CSMD1: variants seen among roughly 807,000 people sequenced by gnomAD.
The protein encoded by CSMD1 is CUB and sushi domain-containing protein 1.
In CSMD1, 213 loss-of-function variants were observed where a neutral mutation model predicts 417.5. The ratio of observed to expected loss-of-function variants is 0.51; its 90% CI spans 0.46 to 0.57. The LOEUF (loss-of-function observed/expected upper bound fraction) is 0.57, where lower values mean the gene tolerates loss of function less well. Ranked by LOEUF, CSMD1 falls within the 20% of genes least tolerant of loss-of-function variation. The pLI, the probability that CSMD1 is intolerant of heterozygous loss-of-function variation, is 0.00. For synonymous variants in CSMD1, 2,862 were observed against 1,736.8 expected (o/e 1.65, Z -16.11); for missense variants, 6,923 against 4,529.7 (o/e 1.53, Z -15.17).
rs71203456 is a variant in CSMD1 at position 3,644,966 on chromosome 8, G to GAAAAAAA, written c.1010-28176_1010-28170dup. ...GTTACGGATCACTAAGGCTTTAAATGAAAAAAAAAAAAAAAAAAAAAAAAA... is the reference window on the plus strand; with the variant it reads ...GTTACGGATCACTAAGGCTTTAAATGAAAAAAAAAAAAAAAAAAAAAAAAAAAAAAAA... On this transcript the variant is annotated intron_variant, in intron 7 of 69. Transcript: ENST00000635120. 1.7e-3 allele frequency among the ~76,000 whole-genome samples: 107 copies of GAAAAAAA among 64,508 alleles called. 4 individuals carry two copies. The highest frequency in any genetic ancestry group is 0.011 in the Middle Eastern group (1 of 92). The allele number at this position is 64,508 out of a possible 152,430, so 42.3% of individuals were successfully genotyped here. A position where few individuals can be genotyped will look rare whatever the true frequency, so the allele number is the denominator to read the frequency against.
At chr8:2,996,076 T>C (rs974097848) in intron 54 of CSMD1, among the ~76,000 whole-genome samples, 29 of 152,020 alleles carry the variant, frequency 1.9e-4, no homozygotes, top group African/African-American at 6.8e-4. Context: ...CCTCTCTGTA[T>C]TATACCTAGT....
intron 3 of CSMD1, among the ~76,000 whole-genome samples, chr8:4,219,271 G>C (rs1056342777): frequency 2.0e-5 from 3 of 152,112 alleles, no homozygotes; most frequent in Non-Finnish European, 4.4e-5. Context: ...ACAAATATGT[G>C]ATTATTTCTT....
intron 3 of CSMD1, among the ~76,000 whole-genome samples, chr8:4,152,403 G>T (rs905106416): frequency 1.3e-5 from 2 of 152,036 alleles, no homozygotes; most frequent in Non-Finnish European, 2.9e-5. Context: ...CTTAGGCCAG[G>T]CACAGTGGCT....
intron 26 of CSMD1, among the ~76,000 whole-genome samples, chr8:3,233,001 T>C (rs1798929636): frequency 6.6e-6 from 1 of 152,204 alleles, no homozygotes; most frequent in Admixed American, 6.5e-5. Flanking sequence ...ACCTCATACA[T>C]TAAATATTAT....
chr8:4,161,246 T>G (rs1797142132), intron 3 of CSMD1, among the ~76,000 whole-genome samples: 1 of 152,220 alleles, frequency 6.6e-6, no homozygotes, highest in Admixed American at 6.5e-5. Flanking sequence ...TCTTACCATC[T>G]GCATTTACAT....
At chr8:3,388,738 C>G (rs1050251400) in intron 17 of CSMD1, among the ~76,000 whole-genome samples, 8 of 152,172 alleles carry the variant, frequency 5.3e-5, no homozygotes, top group Non-Finnish European at 7.3e-5. Context: ...CAGAATGTAA[C>G]TGTCCTTGCT....
chr8:3,473,392 G>C (rs6993088), intron 11 of CSMD1, among the ~76,000 whole-genome samples: 1 of 151,884 alleles, frequency 6.6e-6, no homozygotes, highest in Non-Finnish European at 1.5e-5. Flanking sequence ...TTTTAAAGCT[G>C]ATTAACTTAC....
chr8:4,962,225 G>A (rs902395113), intron 1 of CSMD1, among the ~76,000 whole-genome samples: 3 of 145,178 alleles, frequency 2.1e-5, no homozygotes, highest in Non-Finnish European at 4.5e-5. Flanking sequence ...ACAAATATTT[G>A]TTGGAGACAG....
intron 3 of CSMD1, among the ~76,000 whole-genome samples, chr8:4,313,938 T>A (rs1250245099): frequency 6.6e-6 from 1 of 151,878 alleles, no homozygotes; most frequent in African/African-American, 2.4e-5. Flanking sequence ...CACTTGAACC[T>A]GGGAGGCAGA....
chr8:4,358,717 C>G (rs533903243), intron 3 of CSMD1, among the ~76,000 whole-genome samples: 2 of 152,250 alleles, frequency 1.3e-5, no homozygotes, highest in East Asian at 3.9e-4. Flanking sequence ...GTAGCTTAAT[C>G]ATTAAAATAT....
chr8:4,797,459 G>C lies in CSMD1; in HGVS notation c.86-159901C>G, dbSNP rs199874064. Among the ~76,000 whole-genome samples the C allele has an allele frequency of 1.3e-4, 20 of 152,250 alleles. No homozygotes were observed. In the East Asian group the frequency reaches 2.9e-3, roughly 22 times the overall value. On this transcript the variant is annotated intron_variant, in intron 1 of 69. Transcript: ENST00000635120. ...CACCTAAGTACCAAATATAGGTCATGTTTTTATTATGTTGGCGCAAAAGTC... is the reference window on the plus strand; with the variant it reads ...CACCTAAGTACCAAATATAGGTCATCTTTTTATTATGTTGGCGCAAAAGTC...
chr8:3,436,415 G>T (rs1037696780), intron 12 of CSMD1, among the ~76,000 whole-genome samples: 2 of 152,068 alleles, frequency 1.3e-5, no homozygotes, highest in African/African-American at 4.8e-5. Context: ...TGTGAGAGCT[G>T]GTCTTTTGCC....
chr8:3,741,094 G>A (rs1188883979), intron 6 of CSMD1, among the ~76,000 whole-genome samples: 26 of 151,774 alleles, frequency 1.7e-4, no homozygotes, highest in Admixed American at 1.6e-3. Flanking sequence ...AGGTGCCTGT[G>A]ATCCCAGCTA....
intron 1 of CSMD1, among the ~76,000 whole-genome samples, chr8:4,860,185 C>A (rs1201891016): frequency 2.1e-5 from 3 of 145,380 alleles, no homozygotes; most frequent in Admixed American, 7.3e-5. Context: ...ACCGCATATT[C>A]TCACTCATAG....
At chr8:3,800,915 C>T (rs1012179189) in intron 5 of CSMD1, among the ~76,000 whole-genome samples, 2 of 152,014 alleles carry the variant, frequency 1.3e-5, no homozygotes, top group Admixed American at 6.6e-5. Context: ...GTGAAATAAA[C>T]CTCTTTCTTT....
intron 69 of CSMD1, among the ~76,000 whole-genome samples, chr8:2,941,413 C>A (rs940906573): frequency 6.6e-6 from 1 of 152,080 alleles, no homozygotes; most frequent in Non-Finnish European, 1.5e-5. Flanking sequence ...ATTTATTTAA[C>A]CTATCTAATT....
chr8:4,242,295 A>G (rs1504772), intron 3 of CSMD1, among the ~76,000 whole-genome samples: 57,315 of 152,106 alleles, frequency 0.38, 12,820 homozygotes, highest in Non-Finnish European at 0.51. Flanking sequence ...GCAGACTGGA[A>G]AATTCATAGT....
intron 5 of CSMD1, among the ~76,000 whole-genome samples, chr8:3,783,710 C>A (rs1037253134): frequency 6.6e-6 from 1 of 152,206 alleles, no homozygotes; most frequent in African/African-American, 2.4e-5. Context: ...CTCCCCTTTG[C>A]TCCTGAAAGG....
chr8:4,674,119 G>A (rs1242573661), intron 1 of CSMD1, among the ~76,000 whole-genome samples: 1 of 152,064 alleles, frequency 6.6e-6, no homozygotes, highest in East Asian at 1.9e-4. Flanking sequence ...TTCAAACATT[G>A]GCCATCTCAC....
Sources: allele counts gnomAD v4.1 joint callset (sites outside exome capture counted in the v4.1 genomes callset), GRCh38; gene constraint gnomAD v4.1.1; transcripts MANE v1.5; gene names NCBI Gene and HGNC (gene_info 2026-07-23, HGNC 2026-07-21).